TYMS: variants seen among roughly 807,000 people sequenced by gnomAD.
The protein encoded by TYMS is thymidylate synthase.
A neutral mutation model predicts 39.3 loss-of-function variants in TYMS; 21 were observed. The observed-to-expected ratio is 0.54, with a 90% CI of 0.38 to 0.77. The LOEUF is 0.77. TYMS is among the 30% of genes least tolerant of loss of function. The pLI, the probability that TYMS is intolerant of heterozygous loss-of-function variation, is 0.00. For synonymous variants in TYMS, 171 were observed against 162.2 expected, an observed-to-expected ratio of 1.05 and a Z score of -0.41; for missense variants, 273 against 406.7, an observed-to-expected ratio of 0.67 and a Z score of 2.83.
In TYMS at chr18:673,260, T is replaced by TA; in HGVS notation, c.*263_*264insA. On this transcript the variant is annotated 3_prime_UTR_variant, in exon 7 of 7. Coordinates refer to ENST00000323274, the MANE Select transcript of TYMS (RefSeq NM_001071.4). Reference sequence around the variant, plus strand: ...AACAAAGTGAGGAGAATGAAATGTATGTGCTCTTAGCAAAAACATGTATGT... The same window carrying TA: ...AACAAAGTGAGGAGAATGAAATGTATAGTGCTCTTAGCAAAAACATGTATGT... 3.2e-6 allele frequency: 1 copy of TA among 310,604 alleles called. No individual in the cohort carries two copies. Among genetic ancestry groups the TA allele is most frequent in the East Asian group, 4.6e-5 (1 of 21,542 alleles). The allele number at this position is 310,604 out of a possible 1,614,324, so 19.2% of individuals were successfully genotyped here.
chr18:661,783 C>T (rs2074757777), intron 2 of TYMS, among the ~76,000 whole-genome samples: 2 of 152,106 alleles, frequency 1.3e-5, no homozygotes, highest in East Asian at 1.9e-4. Context: ...GTCAGGAGTT[C>T]GAGGCCAGCC....
rs886105545 is a variant in TYMS, at chr18:660,640, G to C, written c.279+926G>C. On this transcript the variant is annotated intron_variant, in intron 2 of 6. Transcript: ENST00000323274. This position sits in a 1 kb window ranked among gnomAD's most constrained non-coding sequence, Gnocchi z 4.6. ...TCTAGAAGAGTCTCTTCAGTAACAA[G>C]GTGAACCCCTTCCAGAGGGCTGAGT... 6.6e-6 allele frequency among the ~76,000 whole-genome samples: 1 copy of C among 152,156 alleles called. No homozygotes were observed. The highest frequency in any genetic ancestry group is 1.5e-5 in the Non-Finnish European group (1 of 68,028).
At position 658,420 on chromosome 18, in the gene TYMS, G is replaced by C; in HGVS notation, c.205+473G>C. ...GTGATGTGGGCGGGGCAAAGGCGGC[G>C]GGAAGAGGAGAGCACTGAAGCTGGC... On this transcript the variant is annotated intron_variant, in intron 1 of 6. Transcript: ENST00000323274. This position sits in a 1 kb window ranked among gnomAD's most constrained non-coding sequence, Gnocchi z 4.5. The C allele has an allele frequency of 9.0e-7, 1 of 1,113,068 alleles. No individual in the cohort carries two copies. The highest frequency in any genetic ancestry group is 1.4e-5 in the South Asian group (1 of 69,214). The allele number at this position is 1,113,068 out of a possible 1,614,324, so 68.9% of individuals were successfully genotyped here.
chr18:670,613 T>G (rs1202419612), intron 4 of TYMS, 79 bp from the exon 5 acceptor site: 2 of 1,513,362 alleles, frequency 1.3e-6, no homozygotes, highest in Non-Finnish European at 9.0e-7. Context: ...GGCTTCTGTT[T>G]CTCTCCTGTT....
At position 673,064 on chromosome 18, in the gene TYMS, A is replaced by C; in HGVS notation, c.*67A>C. The C allele has an allele frequency of 7.0e-7, 1 of 1,432,576 alleles. No individual in the cohort carries two copies. The highest frequency in any genetic ancestry group is 2.3e-5 in the East Asian group (1 of 43,272). The allele number at this position is 1,432,576 out of a possible 1,614,324, so 88.7% of individuals were successfully genotyped here. A position where few individuals can be genotyped will look rare whatever the true frequency, so the allele number is the denominator to read the frequency against. On this transcript the variant is annotated 3_prime_UTR_variant, in exon 7 of 7. Transcript: ENST00000323274. ...GGGTTGGGCTGGATGCCGAGGTAAA[A>C]GTTCTTTTTGCTCTAAAAGAAAAAG...
At chr18:659,553 C>A in intron 1 of TYMS, 88 bp from the exon 2 acceptor site, 2 of 1,130,784 alleles carry the variant, frequency 1.8e-6, no homozygotes, top group Non-Finnish European at 1.3e-6. Flanking sequence ...CAGGGCCTCA[C>A]GTCCCAGGGC....
chr18:673,047 C>T lies in TYMS; in HGVS notation c.*50C>T, dbSNP rs758363328. 2.1e-6 allele frequency: 3 copies of T among 1,448,228 alleles called. No homozygotes were observed. Among genetic ancestry groups the T allele is most frequent in the South Asian group, 3.3e-5 (2 of 60,040 alleles). The allele number at this position is 1,448,228 out of a possible 1,614,324, so 89.7% of individuals were successfully genotyped here. ...ATATTGTCAGTCTTTAGGGGTTGGG[C>T]TGGATGCCGAGGTAAAAGTTCTTTT... On this transcript the variant is annotated 3_prime_UTR_variant, in exon 7 of 7. Coordinates refer to ENST00000323274, the MANE Select transcript of TYMS (RefSeq NM_001071.4).
chr18:666,544 TTG>T (rs1335183534), intron 3 of TYMS, among the ~76,000 whole-genome samples: 1 of 152,134 alleles, frequency 6.6e-6, no homozygotes, highest in Non-Finnish European at 1.5e-5. Flanking sequence ...AATGTGGGGT[TTG>T]TGTGTGCAAT....
At position 657,933 on chromosome 18, in the gene TYMS, G is replaced by A. The variant is rs1270163632; in HGVS notation, c.191G>A (p.Arg64His). Residue 64 changes from arginine to histidine, a missense_variant, in exon 1 of 7, where the codon CGC becomes CAC. Physicochemically the swap from Arg to His is conservative, Grantham distance 29 (BLOSUM62 0). This residue lies in a region of TYMS where 228 missense variants were observed against 326.1 expected (regional missense o/e 0.70). Coordinates refer to ENST00000323274, the MANE Select transcript of TYMS (RefSeq NM_001071.4). ...GTLSVFGMQA[R>H]YSLRDEFPLL... is the part of the protein sequence containing the mutation. ...CTGTCGGTATTCGGCATGCAGGCGC[G>A]CTACAGCCTGAGAGGTGACGCCGCG... 3.3e-6 allele frequency: 5 copies of A among 1,505,194 alleles called. No individual in the cohort carries two copies. Among genetic ancestry groups the A allele is most frequent in the Non-Finnish European group, 4.4e-6 (5 of 1,132,920 alleles). The allele number at this position is 1,505,194 out of a possible 1,614,324, so 93.2% of individuals were successfully genotyped here. A position where few individuals can be genotyped will look rare whatever the true frequency, so the allele number is the denominator to read the frequency against.
chr18:673,190 C>A lies in TYMS; in HGVS notation c.*193C>A. 1 of 512,480 alleles carries A rather than the reference C, an allele frequency of 2.0e-6. No homozygotes were observed. The highest frequency in any genetic ancestry group is 3.2e-6 in the Non-Finnish European group (1 of 310,438). 31.7% of individuals were successfully genotyped at this position (512,480 alleles called of 1,614,324 possible). ...TGCCAGTTCTTTCCATAATAAAAGGCTTTGAGTTAACTCACTGAGGGTATC... is the reference window on the plus strand; with the variant it reads ...TGCCAGTTCTTTCCATAATAAAAGGATTTGAGTTAACTCACTGAGGGTATC... On this transcript the variant is annotated 3_prime_UTR_variant, in exon 7 of 7. Transcript: ENST00000323274.
chr18:669,282 C>A, intron 4 of TYMS, 109 bp downstream of exon 4: 2 of 814,878 alleles, frequency 2.5e-6, no homozygotes, highest in Non-Finnish European at 1.9e-6. Context: ...GAACTTCCCC[C>A]AGCCACATGG....
intron 3 of TYMS, chr18:667,575 GGT>G (rs1371712692): frequency 1.2e-5 from 1 of 82,652 alleles, no homozygotes; most frequent in Admixed American, 1.0e-4. Context: ...TGATGGAGAT[GGT>G]GATGGTGATG....
rs1381954703 is a variant in TYMS, at chr18:660,239, G to A, written c.279+525G>A. 6.6e-6 allele frequency among the ~76,000 whole-genome samples: 1 copy of A among 152,242 alleles called. No individual in the cohort carries two copies. The highest frequency in any genetic ancestry group is 1.9e-4 in the East Asian group (1 of 5,176). ...CCCTGCTGTTCTTGTGAGTTTTTGA[G>A]CACACCGGGACATCCCCACTCCCTG... is the stretch of plus-strand genomic sequence containing the variant. On this transcript the variant is annotated intron_variant, in intron 2 of 6. Transcript: ENST00000323274. The surrounding 1 kb of genome is among the most constrained non-coding windows in gnomAD (Gnocchi z 4.6).
Position 660,306 on chromosome 18 carries a change from T to C in TYMS, c.279+592T>C, listed in dbSNP as rs1013204326. Among the ~76,000 whole-genome samples, 10 of 152,320 alleles carry C rather than the reference T, an allele frequency of 6.6e-5. No homozygotes were observed. Among genetic ancestry groups the C allele is most frequent in the Middle Eastern group, 3.4e-3 (1 of 294 alleles). ...CACTTGGCTTCTTCCTTTGAGTCTC[T>C]ACTCCACTCGGGCAAGCCTTCCTAG... On this transcript the variant is annotated intron_variant, in intron 2 of 6. Coordinates refer to ENST00000323274, the MANE Select transcript of TYMS (RefSeq NM_001071.4). The surrounding 1 kb of genome is among the most constrained non-coding windows in gnomAD (Gnocchi z 4.6).
At position 670,731 on chromosome 18, in the gene TYMS, G is replaced by A; in HGVS notation, c.596G>A (p.Cys199Tyr). Residue 199 changes from cysteine (C) to tyrosine (Y), a missense_variant, in exon 5 of 7, where the codon TGC (cysteine) becomes TAC (tyrosine). By Grantham distance (194) the Cys-to-Tyr change is radical. Transcript: ENST00000323274. ...LMALPPCHAL[C>Y]QFYVVNSELS... ...GCGCTGCCTCCATGCCATGCCCTCTGCCAGTTCTATGTGGTGAACAGTGAG... is the reference window on the plus strand; with the variant it reads ...GCGCTGCCTCCATGCCATGCCCTCTACCAGTTCTATGTGGTGAACAGTGAG... 6.2e-7 allele frequency: 1 copy of A among 1,614,064 alleles called. No individual in the cohort carries two copies. Among genetic ancestry groups the A allele is most frequent in the Non-Finnish European group, 8.5e-7 (1 of 1,179,994 alleles).
Position 673,002 on chromosome 18 carries a change from C to T in TYMS, c.*5C>T. The T allele has an allele frequency of 6.4e-7, 1 of 1,553,380 alleles. No individual in the cohort carries two copies. The highest frequency in any genetic ancestry group is 2.3e-5 in the East Asian group (1 of 43,892). ...AAAATGGAAATGGCTGTTTAGGGTG[C>T]TTTCAAAGGAGCTCGAAGGATATTG... On this transcript the variant is annotated 3_prime_UTR_variant, in exon 7 of 7. Transcript: ENST00000323274.
In TYMS at chr18:672,954, G is replaced by A; in HGVS notation, c.899G>A (p.Gly300Glu). ...DFKAEDFQIE[G>E]YNPHPTIKME... is the part of the protein sequence containing the mutation. ...AAAGCTGAAGACTTTCAGATTGAAG[G>A]GTACAATCCGCATCCAACTATTAAA... The change falls in exon 7 of 7, where the codon GGG (glycine) becomes GAG (glutamate). Residue 300 changes from glycine to glutamate, a missense_variant. Physicochemically the swap from Gly to Glu is moderately conservative, Grantham distance 98. Around this residue, in one of 3 missense-constraint regions of TYMS, gnomAD observed 35 missense variants for 42.4 expected, o/e 0.83. Transcript: ENST00000323274. 6.3e-7 allele frequency: 1 copy of A among 1,588,818 alleles called. No individual in the cohort carries two copies. Among genetic ancestry groups the A allele is most frequent in the Non-Finnish European group, 8.6e-7 (1 of 1,160,894 alleles).
rs991259686 is a variant in TYMS at position 658,182 on chromosome 18, C to A, written c.205+235C>A. ...CGACAGCCGGGAGGTAAGCCGCGTC[C>A]CAGCGGCTCCGCGGCCGGGCTCGCA... On this transcript the variant is annotated intron_variant, in intron 1 of 6. Transcript: ENST00000323274. The surrounding 1 kb of genome is among the most constrained non-coding windows in gnomAD (Gnocchi z 4.5). 3 of 1,556,176 alleles carry A rather than the reference C, an allele frequency of 1.9e-6. No individual in the cohort carries two copies. The highest frequency in any genetic ancestry group is 1.4e-5 in the African/African-American group (1 of 73,406).
chr18:670,948 G>A, intron 5 of TYMS, 81 bp downstream of exon 5: 1 of 1,494,168 alleles, frequency 6.7e-7, no homozygotes. Context: ...ACAAATTGCA[G>A]AGTTTAGTCT....
Sources: gnomAD v4.1 joint callset for allele counts (sites outside exome capture counted in the v4.1 genomes callset) on GRCh38, gnomAD v4.1.1 for gene constraint, gnomAD v4.1.1 regional missense constraint, Gnocchi (gnomAD v3.1) non-coding constraint, MANE v1.5 for transcripts, NCBI Gene and HGNC (gene_info 2026-07-23, HGNC 2026-07-21) for gene names.